PTGER3: variants seen among roughly 807,000 people sequenced by gnomAD.
PTGER3 encodes the protein prostaglandin E receptor 3, also known as prostaglandin E2 receptor EP3 subtype.
PTGER3 carries 22 observed loss-of-function variants against 34.7 expected under a neutral mutation model. The observed-to-expected ratio is 0.63, with a 90% CI of 0.45 to 0.91. PTGER3 has a LOEUF of 0.91. PTGER3 is among the 40% of genes least tolerant of loss of function. PTGER3 has a pLI of 0.00. For missense variants in PTGER3, 468 were observed against 519.4 expected (o/e 0.90, Z 0.96); for synonymous variants, 241 against 230.1 (o/e 1.05, Z -0.43).
intron 4 of PTGER3, among the ~76,000 whole-genome samples, chr1:70,872,085 G>A (rs1646175450): frequency 6.6e-6 from 1 of 152,200 alleles, no homozygotes; most frequent in Admixed American, 6.5e-5. Context: ...AAGTGTGACA[G>A]TTGACTTTTT....
rs574007366 is a variant in PTGER3 at position 70,930,810 on chromosome 1, G to T, written c.*23+22953C>A. Among the ~76,000 whole-genome samples the T allele has an allele frequency of 5.9e-5, 9 of 152,270 alleles. No homozygotes were observed. The South Asian group carries it at 1.2e-3, about 21-fold the overall frequency. ...CGGGAATTATGGGAGTACAATTAAA[G>T]ATGAGATTTGGGTGGGGACAGAGCC... On this transcript the variant is annotated intron_variant, in intron 4 of 4. Coordinates refer to the PTGER3 transcript ENST00000370931.
At chr1:70,991,083 T>G (rs1655436708) in intron 2 of PTGER3, among the ~76,000 whole-genome samples, 1 of 152,124 alleles carries the variant, frequency 6.6e-6, no homozygotes, top group South Asian at 2.1e-4. Context: ...TCACCTAACC[T>G]TAAACTTCAC....
intron 2 of PTGER3, chr1:70,997,172 T>G (rs1217730215): frequency 1.3e-5 from 2 of 152,246 alleles, no homozygotes. Flanking sequence ...CTTGGGAGGC[T>G]GAGGCAGGAG....
At chr1:70,882,869 C>A (rs972843694) in intron 4 of PTGER3, among the ~76,000 whole-genome samples, 6 of 152,148 alleles carry the variant, frequency 3.9e-5, no homozygotes, top group Non-Finnish European at 8.8e-5. Context: ...CTTGATGGAT[C>A]CCAATGTGGT....
At chr1:70,877,532 G>A (rs12026099) in intron 4 of PTGER3, among the ~76,000 whole-genome samples, 18,269 of 152,018 alleles carry the variant, frequency 0.12, 2,362 homozygotes, top group African/African-American at 0.3. Flanking sequence ...GTCTTGTTCC[G>A]GTTCTCAAGG....
At chr1:71,014,459 G>A (rs1161445717) in intron 1 of PTGER3, among the ~76,000 whole-genome samples, 2 of 152,146 alleles carry the variant, frequency 1.3e-5, no homozygotes, top group African/African-American at 2.4e-5. Context: ...GTACATGTAC[G>A]GACTGAATGT....
chr1:70,983,360 C>G lies in PTGER3; in HGVS notation c.1078-8972G>C, dbSNP rs147758703. 4.8e-4 allele frequency among the ~76,000 whole-genome samples: 73 copies of G among 152,020 alleles called. 1 individual carries two copies. Among genetic ancestry groups the G allele is most frequent in the African/African-American group, 1.7e-3 (69 of 41,490 alleles). ...ACATCCAGAGTCAGTTATTGAATATCAGTACCACTTGATTATCAGTTCCAT... is the reference window on the plus strand; with the variant it reads ...ACATCCAGAGTCAGTTATTGAATATGAGTACCACTTGATTATCAGTTCCAT... On this transcript the variant is annotated intron_variant, in intron 2 of 3. Transcript: ENST00000306666.
chr1:70,925,742 G>A (rs183143140), intron 4 of PTGER3, among the ~76,000 whole-genome samples: 6 of 152,276 alleles, frequency 3.9e-5, no homozygotes, highest in African/African-American at 1.2e-4. Context: ...TTTATCTTAA[G>A]TGGGGTTTTG....
intron 4 of PTGER3, among the ~76,000 whole-genome samples, chr1:70,893,504 A>G (rs763857442): frequency 2.6e-5 from 4 of 152,204 alleles, no homozygotes; most frequent in African/African-American, 4.8e-5. Flanking sequence ...AGGAGGCTAC[A>G]TCACCAGGAC....
At chr1:70,929,290 T>C (rs1376449577) in intron 4 of PTGER3, among the ~76,000 whole-genome samples, 1 of 152,228 alleles carries the variant, frequency 6.6e-6, no homozygotes, top group African/African-American at 2.4e-5. Flanking sequence ...TTCTTGTCTA[T>C]CATTCAGCAG....
intron 2 of PTGER3, chr1:71,009,764 A>G (rs545226948): frequency 3.3e-5 from 33 of 985,202 alleles, no homozygotes; most frequent in South Asian, 9.4e-5. Context: ...CTGATTAGAC[A>G]TATGTATGGA....
intron 3 of PTGER3, among the ~76,000 whole-genome samples, chr1:70,953,496 C>T (rs981932971): frequency 1.3e-5 from 2 of 152,124 alleles, no homozygotes; most frequent in Non-Finnish European, 2.9e-5. Flanking sequence ...TGCCAAGTCC[C>T]CACAGCTGAT....
intron 4 of PTGER3, among the ~76,000 whole-genome samples, chr1:70,875,267 C>T (rs17131474): frequency 0.2 from 30,005 of 151,986 alleles, 3,565 homozygotes; most frequent in Admixed American, 0.35. Context: ...GATCAACCTC[C>T]CTGGGGTTTG....
chr1:70,973,188 T>A (rs1398276032), intron 3 of PTGER3, among the ~76,000 whole-genome samples: 3 of 148,866 alleles, frequency 2.0e-5, no homozygotes, highest in Non-Finnish European at 4.4e-5. Flanking sequence ...GATAGATACA[T>A]AGATATAGAT....
intron 2 of PTGER3, among the ~76,000 whole-genome samples, chr1:70,978,455 T>C (rs980153100): frequency 1.3e-5 from 2 of 152,000 alleles, no homozygotes; most frequent in Non-Finnish European, 2.9e-5. Flanking sequence ...AAACAAAAAA[T>C]TAATAAGGTA....
chr1:70,938,125 T>C (rs2100530485), intron 4 of PTGER3, among the ~76,000 whole-genome samples: 1 of 152,294 alleles, frequency 6.6e-6, no homozygotes, highest in African/African-American at 2.4e-5. Flanking sequence ...GAGGTGTCAA[T>C]GTCAATTTTA....
chr1:70,867,585 TGTG>T (rs1290647499), intron 4 of PTGER3, among the ~76,000 whole-genome samples: 1 of 151,786 alleles, frequency 6.6e-6, no homozygotes, highest in Non-Finnish European at 1.5e-5. Flanking sequence ...ATTAGCCAGG[TGTG>T]GTGGCAGGCG....
chr1:70,890,360 A>G (rs1280653691), intron 4 of PTGER3, among the ~76,000 whole-genome samples: 1 of 152,224 alleles, frequency 6.6e-6, no homozygotes, highest in Non-Finnish European at 1.5e-5. Context: ...TCTTAAGATC[A>G]GAAAGCCAAT....
chr1:70,852,956 A>T (rs1645714841), intron 4 of PTGER3: 2 of 1,348,138 alleles, frequency 1.5e-6, no homozygotes, highest in Admixed American at 1.7e-5. Flanking sequence ...TAAATTTCAG[A>T]TTATGAACAG....
Sources: allele counts gnomAD v4.1 joint callset (sites outside exome capture counted in the v4.1 genomes callset), GRCh38; gene constraint gnomAD v4.1.1; transcripts MANE v1.5; gene names NCBI Gene and HGNC (gene_info 2026-07-23, HGNC 2026-07-21).